UBE2O: variants seen among roughly 807,000 people sequenced by gnomAD.
UBE2O encodes (E3-independent) E2 ubiquitin-conjugating enzyme.
Under a neutral mutation model 125.8 loss-of-function variants are expected in UBE2O, and 15 were observed. That is an observed-to-expected ratio of 0.12 (90% CI 0.08 to 0.18). UBE2O has a LOEUF of 0.18. Ranked by LOEUF, UBE2O falls within the 10% of genes least tolerant of loss-of-function variation. The pLI is 1.00. For missense variants in UBE2O, 1,280 were observed against 1,723.6 expected, an observed-to-expected ratio of 0.74 and a Z score of 4.56; for synonymous variants, 708 against 703.2, an observed-to-expected ratio of 1.01 and a Z score of -0.11.
At chr17:76,448,271 G>A (rs1308063845) in intron 1 of UBE2O, among the ~76,000 whole-genome samples, 1 of 152,132 alleles carries the variant, frequency 6.6e-6, no homozygotes, top group Non-Finnish European at 1.5e-5. Context: ...GATCCTATCT[G>A]AATAAAACGC....
Position 76,399,622 on chromosome 17 carries a change from A to G in UBE2O, c.1455T>C (p.Ala485=). ...SAEQDADDEA[A]DDTDDTSSVT... Reference sequence around the variant, plus strand: ...CCGAACTGGTGTCGTCCGTGTCATCAGCAGCCTCATCATCTGCGTCCTGCT... The same window carrying G: ...CCGAACTGGTGTCGTCCGTGTCATCGGCAGCCTCATCATCTGCGTCCTGCT... Residue 485 remains alanine, a synonymous_variant, in exon 9 of 18, where the codon GCT becomes GCC. Transcript: ENST00000319380. The surrounding 1 kb of genome is among the most constrained non-coding windows in gnomAD (Gnocchi z 6.9). 6.2e-7 allele frequency: 1 copy of G among 1,614,192 alleles called. No individual in the cohort carries two copies. The highest frequency in any genetic ancestry group is 8.5e-7 in the Non-Finnish European group (1 of 1,180,040).
At chr17:76,418,586 T>G (rs2072654118) in intron 1 of UBE2O, among the ~76,000 whole-genome samples, 1 of 151,910 alleles carries the variant, frequency 6.6e-6, no homozygotes, top group Non-Finnish European at 1.5e-5. Flanking sequence ...TTTTTTTTTT[T>G]TGAGACGGAG....
intron 1 of UBE2O, among the ~76,000 whole-genome samples, chr17:76,426,059 G>A (rs563809670): frequency 2.3e-4 from 35 of 152,318 alleles, no homozygotes; most frequent in African/African-American, 7.0e-4. Flanking sequence ...CTGGAGTGTA[G>A]TGGTGTGATC....
intron 1 of UBE2O, among the ~76,000 whole-genome samples, chr17:76,411,100 G>C (rs1450064770): frequency 1.3e-5 from 2 of 152,150 alleles, no homozygotes; most frequent in Non-Finnish European, 2.9e-5. Flanking sequence ...GTGCAATCAT[G>C]GCTCCATCTT....
In UBE2O at chr17:76,405,284, G is replaced by A; in HGVS notation, c.510C>T (p.Asn170=). The A allele has an allele frequency of 1.2e-6, 2 of 1,613,338 alleles. No homozygotes were observed. Among genetic ancestry groups the A allele is most frequent in the Non-Finnish European group, 1.7e-6 (2 of 1,179,464 alleles). Residue 170 remains asparagine, a synonymous_variant, in exon 3 of 18, where the codon AAC becomes AAT. Coordinates refer to ENST00000319380, the MANE Select transcript of UBE2O (RefSeq NM_022066.4). The surrounding 1 kb of genome is among the most constrained non-coding windows in gnomAD (Gnocchi z 6.1). ...CGATGAGCTTGACGGCACAGTCGAT[G>A]TTGACGTCGATCACCGTGCCACACT... ...DSQCGTVIDV[N]IDCAVKLIGT...
In UBE2O at chr17:76,452,050, T is replaced by C. The variant is rs941736189; in HGVS notation, c.417+675A>G. Reference sequence around the variant, plus strand: ...TGGATTATTTTTTTCAAGGAGTCCATATGCACTTAGGAGTCATCAATCCCG... The same window carrying C: ...TGGATTATTTTTTTCAAGGAGTCCACATGCACTTAGGAGTCATCAATCCCG... On this transcript the variant is annotated intron_variant, in intron 1 of 17. Coordinates refer to ENST00000319380, the MANE Select transcript of UBE2O (RefSeq NM_022066.4). The surrounding 1 kb of genome is among the most constrained non-coding windows in gnomAD (Gnocchi z 4.4). 4.6e-5 allele frequency among the ~76,000 whole-genome samples: 7 copies of C among 151,986 alleles called. No homozygotes were observed. Among genetic ancestry groups the C allele is most frequent in the African/African-American group, 1.5e-4 (6 of 41,370 alleles).
Position 76,399,205 on chromosome 17 carries a change from G to A in UBE2O, c.1629-214C>T, listed in dbSNP as rs1035917414. The A allele has an allele frequency of 1.2e-5, 9 of 746,300 alleles. No individual in the cohort carries two copies. The highest frequency in any genetic ancestry group is 1.2e-4 in the Admixed American group (4 of 34,294). 46.2% of individuals were successfully genotyped at this position (746,300 alleles called of 1,614,324 possible). A position where few individuals can be genotyped will look rare whatever the true frequency, so the allele number is the denominator to read the frequency against. On this transcript the variant is annotated intron_variant, in intron 9 of 17. Coordinates refer to ENST00000319380, the MANE Select transcript of UBE2O (RefSeq NM_022066.4). The surrounding 1 kb of genome is among the most constrained non-coding windows in gnomAD (Gnocchi z 6.9). ...ACAGGATCCACTTGGGAGAGCTCAG[G>A]CAAATGTGGTTCCAGAAGGCCAAGC...
At position 76,398,268 on chromosome 17, in the gene UBE2O, T is replaced by C. The variant is rs1366182193; in HGVS notation, c.2012A>G (p.His671Arg). 6.2e-7 allele frequency: 1 copy of C among 1,614,202 alleles called. No homozygotes were observed. The highest frequency in any genetic ancestry group is 1.1e-5 in the South Asian group (1 of 91,082). Residue 671 changes from histidine to arginine, a missense_variant, in exon 12 of 18, where the codon CAC (histidine) becomes CGC (arginine). By Grantham distance (29) the His-to-Arg change is conservative. Coordinates refer to ENST00000319380, the MANE Select transcript of UBE2O (RefSeq NM_022066.4). The surrounding 1 kb of genome is among the most constrained non-coding windows in gnomAD (Gnocchi z 5.4). Reference protein sequence around the residue: ...RIGNTEDGAPHKEDEPSVGQV... With the variant: ...RIGNTEDGAPRKEDEPSVGQV... ...TTGAAGGCGTACCTCATCCTCCTTGTGAGGAGCCCCATCCTCAGTATTGCC... is the reference window on the plus strand; with the variant it reads ...TTGAAGGCGTACCTCATCCTCCTTGCGAGGAGCCCCATCCTCAGTATTGCC...
intron 1 of UBE2O, among the ~76,000 whole-genome samples, chr17:76,428,586 G>A (rs544164134): frequency 7.2e-5 from 11 of 152,160 alleles, no homozygotes; most frequent in South Asian, 4.1e-4. Flanking sequence ...CTGATTCCTC[G>A]GAGATACATT....
At chr17:76,397,123 C>G (rs954104675) in intron 13 of UBE2O, among the ~76,000 whole-genome samples, 2 of 152,220 alleles carry the variant, frequency 1.3e-5, no homozygotes, top group Non-Finnish European at 2.9e-5. Context: ...GTTAGGGGAC[C>G]TTGGCAGGCC....
Position 76,414,674 on chromosome 17 carries a change from G to A in UBE2O, c.418-9102C>T, listed in dbSNP as rs554107638. On this transcript the variant is annotated intron_variant, in intron 1 of 17. Coordinates refer to ENST00000319380, the MANE Select transcript of UBE2O (RefSeq NM_022066.4). The stretch of plus-strand genomic sequence containing the variant: ...AATGGCCTGGAGGCACAGCCTGCCC[G>A]AGGGACAGAGAAAGGGGACTGAGTC... 9.8e-5 allele frequency among the ~76,000 whole-genome samples: 15 copies of A among 152,368 alleles called. No homozygotes were observed. The South Asian group carries it at 2.7e-3, about 27-fold the overall frequency.
intron 1 of UBE2O, among the ~76,000 whole-genome samples, chr17:76,446,427 T>C (rs2073152078): frequency 6.6e-6 from 1 of 151,396 alleles, no homozygotes; most frequent in African/African-American, 2.4e-5. Flanking sequence ...AAAGTTCCTC[T>C]TAGTATAACA....
intron 1 of UBE2O, among the ~76,000 whole-genome samples, chr17:76,415,560 T>G (rs2143775659): frequency 6.6e-6 from 1 of 152,262 alleles, no homozygotes; most frequent in South Asian, 2.1e-4. Flanking sequence ...ATCCCAGCAC[T>G]TTGAGAGGGC....
In UBE2O at chr17:76,400,176, C is replaced by A. The variant is rs770134258; in HGVS notation, c.1126G>T (p.Ala376Ser). The A allele has an allele frequency of 2.9e-5, 47 of 1,614,020 alleles. No homozygotes were observed. The highest frequency in any genetic ancestry group is 3.9e-5 in the Non-Finnish European group (46 of 1,180,014). The change falls in exon 8 of 18, where the codon GCC becomes TCC. Residue 376 changes from alanine (A) to serine (S), a missense_variant. Ala to Ser is a moderately conservative substitution (Grantham distance 99). This residue lies in a region of UBE2O where 141 missense variants were observed against 141.3 expected (regional missense o/e 1.00). Transcript: ENST00000319380. This position sits in a 1 kb window ranked among gnomAD's most constrained non-coding sequence, Gnocchi z 4.3. ...IAWECPEKNC[A>S]QGEGSMAKKV... ...TTGGCCATAGAGCCCTCCCCCTGGG[C>A]GCAGTTTTTTTCTGGACATTCCCAG... is the stretch of plus-strand genomic sequence containing the variant.
chr17:76,423,078 C>G (rs1487049183), intron 1 of UBE2O, among the ~76,000 whole-genome samples: 1 of 152,184 alleles, frequency 6.6e-6, no homozygotes, highest in African/African-American at 2.4e-5. Context: ...ATGGCGGGGC[C>G]TGGAGAACAT....
At chr17:76,440,813 T>C (rs930079965) in intron 1 of UBE2O, among the ~76,000 whole-genome samples, 8 of 152,362 alleles carry the variant, frequency 5.3e-5, no homozygotes, top group Middle Eastern at 3.4e-3. Flanking sequence ...TGTGCTATAA[T>C]GGCAAAGCTG....
rs141106159 is a variant in UBE2O, at chr17:76,396,664, G to A, written c.2273C>T (p.Pro758Leu). ...VEDEHPKIEE[P>L]PIPPLEQPVA... The stretch of plus-strand genomic sequence containing the variant: ...CGGCTGCTCCAGGGGTGGGATGGGG[G>A]GCTCCTCTATCTTGGGGTGCTCGTC... Residue 758 changes from proline to leucine, a missense_variant, in exon 14 of 18, where the codon CCC becomes CTC. By Grantham distance (98) the Pro-to-Leu change is moderately conservative. This residue lies in a region of UBE2O where 210 missense variants were observed against 268.9 expected (regional missense o/e 0.78). Transcript: ENST00000319380. The surrounding 1 kb of genome is among the most constrained non-coding windows in gnomAD (Gnocchi z 6.7). 1.2e-5 allele frequency: 20 copies of A among 1,613,478 alleles called. No homozygotes were observed. The highest frequency in any genetic ancestry group is 1.7e-5 in the Non-Finnish European group (20 of 1,179,982).
intron 13 of UBE2O, among the ~76,000 whole-genome samples, chr17:76,397,546 A>C (rs2143690916): frequency 6.6e-6 from 1 of 152,360 alleles, no homozygotes; most frequent in Admixed American, 6.5e-5. Context: ...CAATCCAGGA[A>C]AATCCTGGAG....
chr17:76,438,760 TG>T (rs1168093736), intron 1 of UBE2O, among the ~76,000 whole-genome samples: 7 of 152,218 alleles, frequency 4.6e-5, no homozygotes, highest in African/African-American at 1.7e-4. Flanking sequence ...CCTCTTGCAC[TG>T]GAACAGATCA....
Sources: gnomAD v4.1 joint callset for allele counts (sites outside exome capture counted in the v4.1 genomes callset) on GRCh38, gnomAD v4.1.1 for gene constraint, gnomAD v4.1.1 regional missense constraint, Gnocchi (gnomAD v3.1) non-coding constraint, MANE v1.5 for transcripts, NCBI Gene and HGNC (gene_info 2026-07-23, HGNC 2026-07-21) for gene names.